Variants in MAGI2 observed in about 807,000 individuals in gnomAD.
MAGI2 encodes the protein membrane associated guanylate kinase, WW and PDZ domain containing 2.
MAGI2 carries 35 observed loss-of-function variants against 133.3 expected under a neutral mutation model. That is an observed-to-expected ratio of 0.26 (90% CI 0.20 to 0.35). The LOEUF is 0.35. Ranked by LOEUF, MAGI2 falls within the 10% of genes least tolerant of loss-of-function variation. The pLI is 1.00. For missense variants in MAGI2, 1,636 were observed against 1,863.4 expected (o/e 0.88, Z 2.25); for synonymous variants, 729 against 710.6 (o/e 1.03, Z -0.41).
At chr7:78,431,632 TC>T (rs1363515532) in intron 6 of MAGI2, among the ~76,000 whole-genome samples, 1 of 152,094 alleles carries the variant, frequency 6.6e-6, no homozygotes, top group Non-Finnish European at 1.5e-5. Flanking sequence ...GCAAAGTTGA[TC>T]CCAGAATCTA....
At position 79,066,040 on chromosome 7, in the gene MAGI2, T is replaced by C. The variant is rs544403757; in HGVS notation, c.302-58834A>G. On this transcript the variant is annotated intron_variant, in intron 1 of 21. Coordinates refer to ENST00000354212, the MANE Select transcript of MAGI2 (RefSeq NM_012301.4). ...AAACATACACGTGTATGTGTCTTTA[T>C]AGTAGCATGATTTATAATCCTTTGG... 6.6e-5 allele frequency among the ~76,000 whole-genome samples: 10 copies of C among 152,310 alleles called. No individual in the cohort carries two copies. The East Asian group carries it at 1.7e-3, about 26-fold the overall frequency.
Position 78,995,840 on chromosome 7 carries a change from G to C in MAGI2, c.418+11250C>G, listed in dbSNP as rs143683701. On this transcript the variant is annotated intron_variant, in intron 2 of 21. Transcript: ENST00000354212. Reference sequence around the variant, plus strand: ...TTCATGTAGTGCGAACTGGAAGCCTGATCCACCTGGGATACACTCCCTCTT... The same window carrying C: ...TTCATGTAGTGCGAACTGGAAGCCTCATCCACCTGGGATACACTCCCTCTT... 7.2e-5 allele frequency among the ~76,000 whole-genome samples: 11 copies of C among 152,152 alleles called. No individual in the cohort carries two copies. The East Asian group carries it at 2.1e-3, about 29-fold the overall frequency.
intron 9 of MAGI2, among the ~76,000 whole-genome samples, chr7:78,319,666 G>A (rs1435368575): frequency 6.6e-6 from 1 of 152,164 alleles, no homozygotes; most frequent in African/African-American, 2.4e-5. Context: ...ATGCCCACAA[G>A]AGAAAGCAGG....
At chr7:78,920,053 C>T (rs550701860) in intron 2 of MAGI2, among the ~76,000 whole-genome samples, 18 of 152,156 alleles carry the variant, frequency 1.2e-4, no homozygotes, top group South Asian at 2.1e-4. Context: ...TCCATGGCTC[C>T]GAACTTCCCA....
intron 2 of MAGI2, among the ~76,000 whole-genome samples, chr7:78,773,793 T>G (rs1271029458): frequency 6.6e-6 from 1 of 152,224 alleles, no homozygotes; most frequent in African/African-American, 2.4e-5. Flanking sequence ...GCGAGTGATC[T>G]TAAATGTTCT....
chr7:78,738,675 T>G (rs1439688172), intron 2 of MAGI2, among the ~76,000 whole-genome samples: 6 of 152,158 alleles, frequency 3.9e-5, no homozygotes, highest in Non-Finnish European at 8.8e-5. Context: ...AGGAGGATGT[T>G]CATGATGAAA....
At chr7:78,561,346 G>A (rs999768431) in intron 3 of MAGI2, among the ~76,000 whole-genome samples, 1 of 152,140 alleles carries the variant, frequency 6.6e-6, no homozygotes, top group African/African-American at 2.4e-5. Flanking sequence ...TAGTAACTGT[G>A]AGACTAGATT....
At chr7:78,285,983 A>G (rs1429813187) in intron 9 of MAGI2, among the ~76,000 whole-genome samples, 1 of 152,196 alleles carries the variant, frequency 6.6e-6, no homozygotes. Context: ...AGATCCCTAA[A>G]TAATCCTTAT....
At chr7:79,238,979 G>C (rs1384070251) in intron 1 of MAGI2, among the ~76,000 whole-genome samples, 1 of 152,106 alleles carries the variant, frequency 6.6e-6, no homozygotes, top group Non-Finnish European at 1.5e-5. Flanking sequence ...AGAAGAAAAT[G>C]AATGATCATT....
chr7:78,407,366 G>A (rs1205574856), intron 6 of MAGI2, among the ~76,000 whole-genome samples: 1 of 151,820 alleles, frequency 6.6e-6, no homozygotes, highest in Non-Finnish European at 1.5e-5. Flanking sequence ...TAGGTCCCTA[G>A]ACTTTGAAAA....
At chr7:79,418,721 C>G (rs993693861) in intron 1 of MAGI2, among the ~76,000 whole-genome samples, 21 of 151,692 alleles carry the variant, frequency 1.4e-4, no homozygotes, top group Non-Finnish European at 1.2e-4. Context: ...TAAATAAAAT[C>G]CCCTGAACCT....
intron 2 of MAGI2, among the ~76,000 whole-genome samples, chr7:78,792,661 A>G (rs1296348220): frequency 6.6e-6 from 1 of 152,230 alleles, no homozygotes; most frequent in Non-Finnish European, 1.5e-5. Flanking sequence ...TCTCACACAC[A>G]TTATTTAAAT....
At chr7:78,449,704 A>C (rs1273211991) in intron 6 of MAGI2, among the ~76,000 whole-genome samples, 1 of 152,104 alleles carries the variant, frequency 6.6e-6, no homozygotes, top group Non-Finnish European at 1.5e-5. Context: ...TGGCCTAAAA[A>C]CTATACTTCC....
chr7:78,938,128 T>A (rs1277276413), intron 2 of MAGI2, among the ~76,000 whole-genome samples: 2 of 151,860 alleles, frequency 1.3e-5, no homozygotes, highest in African/African-American at 4.8e-5. Flanking sequence ...CGGGGAAAAA[T>A]TACCATTTAA....
At chr7:78,524,855 A>G (rs1796817444) in intron 3 of MAGI2, among the ~76,000 whole-genome samples, 1 of 152,208 alleles carries the variant, frequency 6.6e-6, no homozygotes, top group Admixed American at 6.5e-5. Context: ...TAATCTATGC[A>G]TATCTCAATA....
chr7:79,347,057 G>A (rs998893966), intron 1 of MAGI2, among the ~76,000 whole-genome samples: 1 of 151,816 alleles, frequency 6.6e-6, no homozygotes, highest in African/African-American at 2.4e-5. Context: ...ATTCTCGACT[G>A]CAACAATCCT....
Position 78,069,539 on chromosome 7 carries a change from G to GGAGAGAGGGA in MAGI2, c.3706+9407_3706+9408insTCCCTCTCTC, listed in dbSNP as rs1554432832. Reference sequence around the variant, plus strand: ...AGAGAGAGATTGAAAGAAAGAGAGAGGAGAGAGAGAGAGAGAGAGAGAGAG... The same window carrying GGAGAGAGGGA: ...AGAGAGAGATTGAAAGAAAGAGAGAGGAGAGAGGGAGAGAGAGAGAGAGAGAGAGAGAGAG... On this transcript the variant is annotated intron_variant, in intron 21 of 21. Coordinates refer to ENST00000354212, the MANE Select transcript of MAGI2 (RefSeq NM_012301.4). 4.6e-4 allele frequency among the ~76,000 whole-genome samples: 62 copies of GGAGAGAGGGA among 134,728 alleles called. No homozygotes were observed. In the East Asian group the frequency reaches 0.011, roughly 24 times the overall value. 88.4% of individuals were successfully genotyped at this position (134,728 alleles called of 152,430 possible).
At chr7:78,355,976 G>A (rs114530876) in intron 7 of MAGI2, among the ~76,000 whole-genome samples, 14 of 152,288 alleles carry the variant, frequency 9.2e-5, no homozygotes, top group African/African-American at 3.4e-4. Flanking sequence ...GAAATGAAAT[G>A]GTAATGAGGG....
chr7:78,243,671 A>G (rs898269714), intron 10 of MAGI2, among the ~76,000 whole-genome samples: 1 of 152,190 alleles, frequency 6.6e-6, no homozygotes, highest in Non-Finnish European at 1.5e-5. Flanking sequence ...TTGTCAGCAT[A>G]AGAGAATATA....
Sources: gnomAD v4.1 joint callset for allele counts (sites outside exome capture counted in the v4.1 genomes callset) on GRCh38, gnomAD v4.1.1 for gene constraint, MANE v1.5 for transcripts, NCBI Gene and HGNC (gene_info 2026-07-23, HGNC 2026-07-21) for gene names.